Variants in RALYL observed in about 807,000 individuals in gnomAD.
RALYL encodes RALY RNA binding protein like.
In RALYL, 29 loss-of-function variants were observed where a neutral mutation model predicts 35.1. The ratio of observed to expected loss-of-function variants is 0.83; its 90% CI spans 0.61 to 1.13. The LOEUF is 1.13. Ranked by LOEUF, RALYL falls within the 50% of genes most tolerant of loss-of-function variation. The pLI is 0.00. For missense variants in RALYL, 359 were observed against 360.4 expected, an observed-to-expected ratio of 1.00 and a Z score of 0.03; for synonymous variants, 120 against 127.6, an observed-to-expected ratio of 0.94 and a Z score of 0.40.
chr8:84,592,082 C>T (rs561001801), intron 2 of RALYL, among the ~76,000 whole-genome samples: 4 of 151,984 alleles, frequency 2.6e-5, no homozygotes, highest in South Asian at 4.2e-4. Flanking sequence ...TTTGGCCAGG[C>T]GATTCTAACC....
At chr8:84,711,291 T>C (rs1207975119) in intron 2 of RALYL, among the ~76,000 whole-genome samples, 1 of 152,186 alleles carries the variant, frequency 6.6e-6, no homozygotes, top group Non-Finnish European at 1.5e-5. Flanking sequence ...AGACATAATA[T>C]GTATATACTA....
intron 8 of RALYL, 80 bp downstream of exon 8, chr8:84,887,856 G>T: frequency 2.3e-6 from 3 of 1,296,286 alleles, no homozygotes; most frequent in Non-Finnish European, 3.2e-6. Flanking sequence ...CTAAAATAAG[G>T]ATTAAATCAT....
intron 2 of RALYL, among the ~76,000 whole-genome samples, chr8:84,765,602 A>C (rs1381707317): frequency 6.6e-6 from 1 of 152,178 alleles, no homozygotes; most frequent in East Asian, 1.9e-4. Context: ...AACTAATAAT[A>C]ACTACCAAAA....
At chr8:84,816,150 T>TACA (rs1304701843) in intron 4 of RALYL, among the ~76,000 whole-genome samples, 3 of 152,008 alleles carry the variant, frequency 2.0e-5, no homozygotes, top group Non-Finnish European at 4.4e-5. Flanking sequence ...AAAAAGTTAT[T>TACA]ACAACTTTTT....
chr8:84,684,864 A>C (rs1466578134), intron 2 of RALYL, among the ~76,000 whole-genome samples: 1 of 152,186 alleles, frequency 6.6e-6, no homozygotes, highest in Admixed American at 6.5e-5. Flanking sequence ...AGGGAAGTTT[A>C]AGCAACAGCA....
Position 84,452,789 on chromosome 8 carries a change from C to G in RALYL, c.-23-76510C>G, listed in dbSNP as rs1228428485. Among the ~76,000 whole-genome samples the G allele has an allele frequency of 2.0e-5, 3 of 151,858 alleles. No homozygotes were observed. The East Asian group carries it at 5.8e-4, about 29-fold the overall frequency. On this transcript the variant is annotated intron_variant, in intron 1 of 8. Transcript: ENST00000521268. Reference sequence around the variant, plus strand: ...ATTACCTTCTTTTCTAAATATAAAACAGGATAGATCACTGGATAAAAATAT... The same window carrying G: ...ATTACCTTCTTTTCTAAATATAAAAGAGGATAGATCACTGGATAAAAATAT...
At chr8:84,340,797 C>A (rs1848654724) in intron 1 of RALYL, among the ~76,000 whole-genome samples, 1 of 152,050 alleles carries the variant, frequency 6.6e-6, no homozygotes, top group Admixed American at 6.6e-5. Context: ...GATATCTCTT[C>A]TAGACCCTGA....
chr8:84,360,998 A>G (rs1379507834), intron 1 of RALYL, among the ~76,000 whole-genome samples: 1 of 151,444 alleles, frequency 6.6e-6, no homozygotes, highest in Non-Finnish European at 1.5e-5. Flanking sequence ...AAATGCCAGC[A>G]CTTTGCCATT....
At chr8:84,877,183 C>T (rs548992398) in intron 7 of RALYL, among the ~76,000 whole-genome samples, 2 of 152,188 alleles carry the variant, frequency 1.3e-5, no homozygotes, top group South Asian at 4.2e-4. Flanking sequence ...ATACAACAGT[C>T]AATTAAGAAT....
chr8:84,600,206 G>A (rs201400551), intron 2 of RALYL, among the ~76,000 whole-genome samples: 1 of 151,994 alleles, frequency 6.6e-6, no homozygotes, highest in East Asian at 1.9e-4. Context: ...ACAGAATAGT[G>A]TAATGTTTAA....
intron 2 of RALYL, among the ~76,000 whole-genome samples, chr8:84,606,469 C>T (rs7009141): frequency 0.07 from 10,633 of 152,126 alleles, 928 homozygotes; most frequent in African/African-American, 0.2. Context: ...ATTTAAAAAA[C>T]ACAAGGACAT....
chr8:84,544,941 A>G (rs1233822391), intron 2 of RALYL, among the ~76,000 whole-genome samples: 2 of 151,978 alleles, frequency 1.3e-5, no homozygotes, highest in Non-Finnish European at 2.9e-5. Context: ...AATCAGTTGT[A>G]TTTTTCTTAT....
At chr8:84,841,885 A>T (rs898205245) in intron 4 of RALYL, among the ~76,000 whole-genome samples, 2 of 152,232 alleles carry the variant, frequency 1.3e-5, no homozygotes, top group African/African-American at 4.8e-5. Flanking sequence ...ACATAATGAA[A>T]TGAAAGCAGA....
rs374752343 is a variant in RALYL at position 84,774,306 on chromosome 8, A to G, written c.257-273A>G. ...AGTACTCATCGTTTTCTAATATGGT[A>G]TATAGTTTTTAATTATTATGTTTGT... is the stretch of plus-strand genomic sequence containing the variant. On this transcript the variant is annotated intron_variant, in intron 2 of 8. Transcript: ENST00000521268. Among the ~76,000 whole-genome samples, 6 of 152,300 alleles carry G rather than the reference A, an allele frequency of 3.9e-5. No homozygotes were observed. The East Asian group carries it at 7.7e-4, about 20-fold the overall frequency.
intron 5 of RALYL, among the ~76,000 whole-genome samples, chr8:84,850,251 C>T (rs1835558952): frequency 6.6e-6 from 1 of 152,030 alleles, no homozygotes; most frequent in African/African-American, 2.4e-5. Context: ...GTGCTCAAAC[C>T]TAAGATTTGG....
At chr8:84,674,825 GA>G (rs1833891173) in intron 2 of RALYL, among the ~76,000 whole-genome samples, 1 of 152,014 alleles carries the variant, frequency 6.6e-6, no homozygotes, top group Non-Finnish European at 1.5e-5. Context: ...CAAGATTACA[GA>G]ACACTTAGAA....
intron 1 of RALYL, among the ~76,000 whole-genome samples, chr8:84,206,291 T>TGA (rs1390863952): frequency 1.3e-5 from 2 of 152,124 alleles, no homozygotes; most frequent in Non-Finnish European, 2.9e-5. Context: ...AGCCACAGCT[T>TGA]GAGTGCATGG....
intron 6 of RALYL, among the ~76,000 whole-genome samples, chr8:84,865,582 C>T (rs905208214): frequency 7.2e-5 from 11 of 152,150 alleles, no homozygotes; most frequent in African/African-American, 2.7e-4. Context: ...CTATAATCAG[C>T]TTGTCCTTTC....
intron 1 of RALYL, among the ~76,000 whole-genome samples, chr8:84,347,453 C>T (rs1187369842): frequency 6.6e-6 from 1 of 152,048 alleles, no homozygotes; most frequent in Admixed American, 6.6e-5. Context: ...CTGGCATCTT[C>T]CTTTTTTATG....
Sources: gnomAD v4.1 joint callset for allele counts (sites outside exome capture counted in the v4.1 genomes callset) on GRCh38, gnomAD v4.1.1 for gene constraint, MANE v1.5 for transcripts, NCBI Gene and HGNC (gene_info 2026-07-23, HGNC 2026-07-21) for gene names.